NCOR1: variants seen among roughly 807,000 people sequenced by gnomAD.
NCOR1 encodes the protein protein phosphatase 1, regulatory subunit 109.
A neutral mutation model predicts 288.1 loss-of-function variants in NCOR1; 63 were observed. That is an observed-to-expected ratio of 0.22 (90% CI 0.18 to 0.27). The LOEUF is 0.27. Ranked by LOEUF, NCOR1 falls within the 10% of genes least tolerant of loss-of-function variation. NCOR1 has a pLI of 1.00. For missense variants in NCOR1, 2,397 were observed against 3,019.2 expected, an observed-to-expected ratio of 0.79 and a Z score of 4.83; for synonymous variants, 1,007 against 1,065.9, an observed-to-expected ratio of 0.94 and a Z score of 1.08.
rs754708503 is a variant in NCOR1 at position 16,079,917 on chromosome 17, T to C, written c.3501+47A>G. 3.7e-5 allele frequency: 55 copies of C among 1,491,298 alleles called. No homozygotes were observed. The African/African-American group carries it at 7.2e-4, about 20-fold the overall frequency. The allele number at this position is 1,491,298 out of a possible 1,614,324, so 92.4% of individuals were successfully genotyped here. On this transcript the variant is annotated intron_variant, in intron 26 of 45. Coordinates refer to ENST00000268712, the MANE Select transcript of NCOR1 (RefSeq NM_006311.4). ...CAAAGTGCTAAGAATTATTTATCATTTTTTCCTGAGCTTCTGTTGAGTATA... is the reference window on the plus strand; with the variant it reads ...CAAAGTGCTAAGAATTATTTATCATCTTTTCCTGAGCTTCTGTTGAGTATA...
At chr17:16,184,849 G>A (rs1169222649) in intron 3 of NCOR1, among the ~76,000 whole-genome samples, 3 of 151,822 alleles carry the variant, frequency 2.0e-5, no homozygotes, top group Non-Finnish European at 4.4e-5. Flanking sequence ...TAAAGAAACT[G>A]TGGTATATAT....
rs113581322 is a variant in NCOR1, at chr17:16,103,093, G to A, written c.2183-1336C>T. 5.8e-4 allele frequency among the ~76,000 whole-genome samples: 88 copies of A among 152,216 alleles called. 1 individual carries two copies. Among genetic ancestry groups the A allele is most frequent in the African/African-American group, 2.0e-3 (85 of 41,534 alleles). ...TATAAATAGACTTTCAGTGCTTTTT[G>A]ACATCTTTACCTAGATATATCAAAG... is the stretch of plus-strand genomic sequence containing the variant. On this transcript the variant is annotated intron_variant, in intron 19 of 45. Coordinates refer to ENST00000268712, the MANE Select transcript of NCOR1 (RefSeq NM_006311.4).
At chr17:16,068,610 C>A (rs954855783) in intron 31 of NCOR1, among the ~76,000 whole-genome samples, 3 of 152,092 alleles carry the variant, frequency 2.0e-5, no homozygotes, top group Non-Finnish European at 2.9e-5. Context: ...CAATATCTAT[C>A]ACCTCCCTAC....
chr17:16,041,765 CTCACTCTGCCGCCCA>C (rs1275758180), intron 42 of NCOR1, among the ~76,000 whole-genome samples: 1 of 146,866 alleles, frequency 6.8e-6, no homozygotes, highest in Non-Finnish European at 1.5e-5. Context: ...AAGACGGAGT[CTCACTCTGCCGCCCA>C]GGCTGGAGTG....
At chr17:16,200,689 AC>A (rs2090675013) in intron 1 of NCOR1, among the ~76,000 whole-genome samples, 1 of 152,146 alleles carries the variant, frequency 6.6e-6, no homozygotes, top group African/African-American at 2.4e-5. Flanking sequence ...ACCTACTGAT[AC>A]AAAAGTATGG....
At position 16,153,360 on chromosome 17, in the gene NCOR1, A is replaced by G. The variant is rs140669097; in HGVS notation, c.768T>C (p.Gly256=). Reference sequence around the variant, plus strand: ...TTACCAGTTCAACTTTTGGGCCAAGACCTTCAAAAATTTTATGAGCTTCTT... The same window carrying G: ...TTACCAGTTCAACTTTTGGGCCAAGGCCTTCAAAAATTTTATGAGCTTCTT... ...KAEEAHKIFE[G]LGPKVELPLY... is the part of the protein sequence containing the mutation. The change falls in exon 7 of 46, where the codon GGT becomes GGC. Residue 256 remains glycine, a synonymous_variant. Coordinates refer to ENST00000268712, the MANE Select transcript of NCOR1 (RefSeq NM_006311.4). 1,784 of 1,601,062 alleles carry G rather than the reference A, an allele frequency of 1.1e-3. 19 individuals are homozygous for G. The African/African-American group carries it at 0.022, about 20-fold the overall frequency.
At position 16,101,595 on chromosome 17, in the gene NCOR1, G is replaced by C. The variant is rs2152997147; in HGVS notation, c.2345C>G (p.Thr782Ser). ...TKPAEDESVETQVNDSISAET... is the reference protein window; with the variant it reads ...TKPAEDESVESQVNDSISAET... Reference sequence around the variant, plus strand: ...AGCACTGATGCTGTCATTCACCTGGGTCTCCACACTTTCATCTTCAGCTGG... The same window carrying C: ...AGCACTGATGCTGTCATTCACCTGGCTCTCCACACTTTCATCTTCAGCTGG... The change falls in exon 20 of 46, where the codon ACC (threonine) becomes AGC (serine). Residue 782 changes from threonine to serine, a missense_variant. By Grantham distance (58) the Thr-to-Ser change is moderately conservative. This residue lies in a region of NCOR1 where 1,872 missense variants were observed against 2,187.8 expected (regional missense o/e 0.86). Transcript: ENST00000268712. 2 of 1,614,146 alleles carry C rather than the reference G, an allele frequency of 1.2e-6. No individual in the cohort carries two copies. Among genetic ancestry groups the C allele is most frequent in the Non-Finnish European group, 1.7e-6 (2 of 1,180,034 alleles).
At chr17:16,170,398 T>C (rs930530120) in intron 4 of NCOR1, among the ~76,000 whole-genome samples, 7 of 152,214 alleles carry the variant, frequency 4.6e-5, no homozygotes, top group African/African-American at 1.7e-4. Flanking sequence ...TATTAGCGTA[T>C]GTTGGTAAAA....
At chr17:16,077,979 T>C (rs2062814566) in intron 26 of NCOR1, among the ~76,000 whole-genome samples, 1 of 152,242 alleles carries the variant, frequency 6.6e-6, no homozygotes, top group South Asian at 2.1e-4. Context: ...TTGTTAGGCC[T>C]TTGGATGCCT....
At position 16,087,431 on chromosome 17, in the gene NCOR1, G is replaced by A. The variant is rs990206750; in HGVS notation, c.3017-989C>T. On this transcript the variant is annotated intron_variant, in intron 22 of 45. Coordinates refer to ENST00000268712, the MANE Select transcript of NCOR1 (RefSeq NM_006311.4). Reference sequence around the variant, plus strand: ...AAGGACCAAGCCCACACCATCCAGGGGCTGATCCGACTATAACATTAAAGT... The same window carrying A: ...AAGGACCAAGCCCACACCATCCAGGAGCTGATCCGACTATAACATTAAAGT... The A allele has an allele frequency of 3.4e-5, 29 of 846,862 alleles. No homozygotes were observed. In the African/African-American group the frequency reaches 5.0e-4, roughly 14 times the overall value. The allele number at this position is 846,862 out of a possible 1,614,324, so 52.5% of individuals were successfully genotyped here. A position where few individuals can be genotyped will look rare whatever the true frequency, so the allele number is the denominator to read the frequency against.
chr17:16,122,699 C>G (rs1403672420), intron 15 of NCOR1: 1 of 152,416 alleles, frequency 6.6e-6, no homozygotes. Context: ...AGCAGTGGCG[C>G]GAACACAGCT....
At chr17:16,079,574 A>C (rs1394483381) in intron 26 of NCOR1, among the ~76,000 whole-genome samples, 1 of 152,236 alleles carries the variant, frequency 6.6e-6, no homozygotes, top group Non-Finnish European at 1.5e-5. Flanking sequence ...AAGGCAGCCC[A>C]CATACTGAGA....
intron 21 of NCOR1, 92 bp from the exon 22 acceptor site, chr17:16,092,150 T>A: frequency 7.1e-7 from 1 of 1,418,232 alleles, no homozygotes; most frequent in Non-Finnish European, 9.7e-7. Context: ...TCTGTCATGT[T>A]ATTGGTTGAA....
rs2153113989 is a variant in NCOR1, at chr17:16,117,250, C to T, written c.2055+638G>A. ...CAATCTCCAAAAAGTTTGTATTTTTCAAATCCAGCCTACAGTAATTCAAGA... is the reference window on the plus strand; with the variant it reads ...CAATCTCCAAAAAGTTTGTATTTTTTAAATCCAGCCTACAGTAATTCAAGA... On this transcript the variant is annotated intron_variant, in intron 18 of 45. Transcript: ENST00000268712. Among the ~76,000 whole-genome samples the T allele has an allele frequency of 1.3e-5, 2 of 152,160 alleles. 1 individual carries two copies. The highest frequency in any genetic ancestry group is 4.1e-4 in the South Asian group (2 of 4,826).
At chr17:16,153,520 C>T in intron 6 of NCOR1, 125 bp from the exon 7 acceptor site, 4 of 561,640 alleles carry the variant, frequency 7.1e-6, no homozygotes, top group South Asian at 7.4e-5. Flanking sequence ...TCCAAATATC[C>T]TTCTTCTATA....
rs1555652880 is a variant in NCOR1, at chr17:16,106,854, C to CACATATATATATATATATATATATAT, written c.2182+1931_2182+1932insATATATATATATATATATATATATGT. ...TGGTGCCACCCTACACTTGATCAGA[C>CACATATATATATATATATATATATAT]ATATATATATATATATATATATATA... On this transcript the variant is annotated intron_variant, in intron 19 of 45. Transcript: ENST00000268712. Among the ~76,000 whole-genome samples the CACATATATATATATATATATATATAT allele has an allele frequency of 8.7e-5, 4 of 46,152 alleles. 1 individual carries two copies. The highest frequency in any genetic ancestry group is 4.2e-4 in the African/African-American group (4 of 9,430). 30.3% of individuals were successfully genotyped at this position (46,152 alleles called of 152,430 possible). A position where few individuals can be genotyped will look rare whatever the true frequency, so the allele number is the denominator to read the frequency against.
At chr17:16,189,959 A>G (rs1196748777) in intron 2 of NCOR1, among the ~76,000 whole-genome samples, 1 of 152,230 alleles carries the variant, frequency 6.6e-6, no homozygotes, top group East Asian at 1.9e-4. Flanking sequence ...TTGGCTGGGC[A>G]TGCTGCTTCA....
At chr17:16,139,740 A>T (rs1356720739) in intron 11 of NCOR1, among the ~76,000 whole-genome samples, 1 of 152,214 alleles carries the variant, frequency 6.6e-6, no homozygotes, top group Non-Finnish European at 1.5e-5. Flanking sequence ...TGTTATTCTT[A>T]GAAATGAAGC....
chr17:16,148,006 G>C (rs1399551061), intron 9 of NCOR1, among the ~76,000 whole-genome samples: 1 of 152,130 alleles, frequency 6.6e-6, no homozygotes, highest in Non-Finnish European at 1.5e-5. Flanking sequence ...TAGCAGAGAC[G>C]GAGTTTCTCC....
Sources: allele counts gnomAD v4.1 joint callset (sites outside exome capture counted in the v4.1 genomes callset), GRCh38; gene constraint gnomAD v4.1.1; regional missense constraint gnomAD v4.1.1; transcripts MANE v1.5; gene names NCBI Gene and HGNC (gene_info 2026-07-23, HGNC 2026-07-21).